Variants in NALF1 observed in about 807,000 individuals in gnomAD.
NALF1 encodes the protein family with sequence similarity 155 member A.
In NALF1, 3 loss-of-function variants were observed where a neutral mutation model predicts 48.4. That is an observed-to-expected ratio of 0.06 (90% confidence interval 0.03 to 0.16). NALF1 has a LOEUF of 0.16. NALF1 is among the 10% of genes least tolerant of loss of function. The pLI is 1.00. For missense variants in NALF1, 526 were observed against 571.5 expected (o/e 0.92, Z 0.81); for synonymous variants, 262 against 245.7 (o/e 1.07, Z -0.62).
At chr13:107,718,056 C>G (rs997514684) in intron 1 of NALF1, among the ~76,000 whole-genome samples, 1 of 152,112 alleles carries the variant, frequency 6.6e-6, no homozygotes, top group African/African-American at 2.4e-5. Context: ...GGCAAGGAAC[C>G]AGATTGGAAA....
At chr13:107,739,209 T>A (rs1043451604) in intron 1 of NALF1, among the ~76,000 whole-genome samples, 5 of 151,914 alleles carry the variant, frequency 3.3e-5, no homozygotes, top group African/African-American at 1.2e-4. Flanking sequence ...ATCTAAGGTA[T>A]GCGGGGCTTA....
chr13:107,679,152 T>C (rs1881210171), intron 1 of NALF1, among the ~76,000 whole-genome samples: 1 of 152,228 alleles, frequency 6.6e-6, no homozygotes, highest in Non-Finnish European at 1.5e-5. Context: ...ATAGTTTAAA[T>C]ATGTTAAAAT....
intron 1 of NALF1, among the ~76,000 whole-genome samples, chr13:107,805,610 A>C (rs1878757068): frequency 6.6e-6 from 1 of 152,206 alleles, no homozygotes; most frequent in African/African-American, 2.4e-5. Flanking sequence ...CAGAAAAAAA[A>C]GCATGGTTTC....
At chr13:107,485,416 T>C (rs1207172271) in intron 1 of NALF1, among the ~76,000 whole-genome samples, 2 of 152,154 alleles carry the variant, frequency 1.3e-5, no homozygotes, top group Non-Finnish European at 1.5e-5. Context: ...AGTCCTCATG[T>C]TTTGTAAGGT....
At chr13:107,438,662 A>C (rs1884501535) in intron 1 of NALF1, among the ~76,000 whole-genome samples, 1 of 151,544 alleles carries the variant, frequency 6.6e-6, no homozygotes. Context: ...CAAAACAAAA[A>C]AACCCAAAAC....
At chr13:107,434,753 C>T (rs138453052) in intron 1 of NALF1, among the ~76,000 whole-genome samples, 4 of 152,272 alleles carry the variant, frequency 2.6e-5, no homozygotes, top group African/African-American at 7.2e-5. Context: ...ATACATTTGC[C>T]CCATTTTGCA....
intron 1 of NALF1, among the ~76,000 whole-genome samples, chr13:107,328,565 G>A (rs893976381): frequency 1.3e-5 from 2 of 152,050 alleles, no homozygotes; most frequent in African/African-American, 4.8e-5. Context: ...CAAACCTTTG[G>A]TTTCTCTGCT....
chr13:107,193,709 C>G (rs1879328165), intron 2 of NALF1, among the ~76,000 whole-genome samples: 1 of 152,060 alleles, frequency 6.6e-6, no homozygotes, highest in Non-Finnish European at 1.5e-5. Flanking sequence ...GGCATGCAGC[C>G]CAAGTCAAGA....
intron 1 of NALF1, among the ~76,000 whole-genome samples, chr13:107,688,813 C>T (rs1468182456): frequency 6.6e-6 from 1 of 152,130 alleles, no homozygotes; most frequent in Non-Finnish European, 1.5e-5. Flanking sequence ...TCTCTGAATA[C>T]ATAGAGGTCA....
chr13:107,372,670 A>T lies in NALF1; in HGVS notation c.916-161915T>A, dbSNP rs552077799. Among the ~76,000 whole-genome samples, 4 of 152,370 alleles carry T rather than the reference A, an allele frequency of 2.6e-5. No individual in the cohort carries two copies. The East Asian group carries it at 7.7e-4, about 29-fold the overall frequency. ...AGTAAATCAATGAAGATCTTCAATT[A>T]GATAAGATAATAGAAAACATTTGGT... On this transcript the variant is annotated intron_variant, in intron 1 of 2. Transcript: ENST00000375915.
chr13:107,250,703 T>C lies in NALF1; in HGVS notation c.916-39948A>G, dbSNP rs371058488. On this transcript the variant is annotated intron_variant, in intron 1 of 2. Transcript: ENST00000375915. ...CATTAAACTCTCTCTAACTATACCCTACTGATATGGTTTGGATTTGTGTCT... is the reference window on the plus strand; with the variant it reads ...CATTAAACTCTCTCTAACTATACCCCACTGATATGGTTTGGATTTGTGTCT... Among the ~76,000 whole-genome samples, 3 of 150,666 alleles carry C rather than the reference T, an allele frequency of 2.0e-5. No individual in the cohort carries two copies. The South Asian group carries it at 6.3e-4, about 32-fold the overall frequency.
chr13:107,644,646 CATAT>C (rs58981652), intron 1 of NALF1, among the ~76,000 whole-genome samples: 6 of 108,234 alleles, frequency 5.5e-5, no homozygotes, highest in Non-Finnish European at 7.4e-5. Context: ...TACATACATA[CATAT>C]ATATATATAT....
rs571747667 is a variant in NALF1, at chr13:107,474,092, G to A, written c.916-263337C>T. ...GTTGCTCCTTTGGGCACACTCTATT[G>A]ACTACTTTTCTCAATAAGAACATTC... On this transcript the variant is annotated intron_variant, in intron 1 of 2. Transcript: ENST00000375915. Among the ~76,000 whole-genome samples the A allele has an allele frequency of 9.5e-4, 145 of 152,116 alleles. 1 individual carries two copies. The highest frequency in any genetic ancestry group is 2.9e-3 in the African/African-American group (119 of 41,510).
intron 1 of NALF1, among the ~76,000 whole-genome samples, chr13:107,515,568 C>T (rs761474610): frequency 3.3e-5 from 5 of 152,238 alleles, no homozygotes; most frequent in Admixed American, 6.5e-5. Context: ...CAACTCCATA[C>T]AGCTGCAAAG....
intron 1 of NALF1, among the ~76,000 whole-genome samples, chr13:107,329,062 G>A (rs1311425580): frequency 6.6e-6 from 1 of 152,142 alleles, no homozygotes; most frequent in Admixed American, 6.5e-5. Flanking sequence ...GTGTGACACT[G>A]CAACATCTTA....
At chr13:107,380,717 G>A (rs1369780358) in intron 1 of NALF1, among the ~76,000 whole-genome samples, 2 of 152,100 alleles carry the variant, frequency 1.3e-5, no homozygotes, top group East Asian at 1.9e-4. Context: ...GGTGGTTCAC[G>A]TCTGTAATCC....
At chr13:107,710,848 TAC>T (rs1380741616) in intron 1 of NALF1, among the ~76,000 whole-genome samples, 1 of 150,350 alleles carries the variant, frequency 6.7e-6, no homozygotes, top group African/African-American at 2.4e-5. Context: ...CGTATAAATA[TAC>T]ACAGATATGT....
At chr13:107,545,793 G>A (rs534161820) in intron 1 of NALF1, among the ~76,000 whole-genome samples, 1 of 152,220 alleles carries the variant, frequency 6.6e-6, no homozygotes, top group Non-Finnish European at 1.5e-5. Context: ...GAAAAAGAAA[G>A]CCATTGGGTG....
intron 1 of NALF1, among the ~76,000 whole-genome samples, chr13:107,264,173 G>A (rs558136207): frequency 6.6e-6 from 1 of 152,122 alleles, no homozygotes; most frequent in Admixed American, 6.5e-5. Flanking sequence ...TGACTTCATA[G>A]AATCTTTTCA....
Sources: gnomAD v4.1 joint callset for allele counts (sites outside exome capture counted in the v4.1 genomes callset) on GRCh38, gnomAD v4.1.1 for gene constraint, MANE v1.5 for transcripts, NCBI Gene and HGNC (gene_info 2026-07-23, HGNC 2026-07-21) for gene names.